Variants in ANAPC5 observed in about 807,000 individuals in gnomAD.
ANAPC5 encodes the protein anaphase-promoting complex subunit 5.
Under a neutral mutation model 91.3 loss-of-function variants are expected in ANAPC5, and 60 were observed. The ratio of observed to expected loss-of-function variants is 0.66; its 90% CI spans 0.53 to 0.81. The LOEUF is 0.81. Among genes scored for constraint, ANAPC5 ranks in the 40% least tolerant of loss-of-function variants. ANAPC5 has a pLI of 0.00. For synonymous variants in ANAPC5, 340 were observed against 364.1 expected (o/e 0.93, Z 0.75); for missense variants, 690 against 931.5 (o/e 0.74, Z 3.37).
chr12:121,336,541 T>C (rs1030932770), intron 6 of ANAPC5, among the ~76,000 whole-genome samples: 3 of 151,902 alleles, frequency 2.0e-5, no homozygotes, highest in Non-Finnish European at 4.4e-5. Flanking sequence ...TAGCTGAGCA[T>C]TGTGGCGTGT....
Position 121,352,342 on chromosome 12 carries a change from G to A in ANAPC5, c.-2C>T. ...GAGGCTCTCGTGGACGCTGGCCATG[G>A]CGGCCCGAGACTAAGTCTCGGGCCC... On this transcript the variant is annotated 5_prime_UTR_variant, in exon 1 of 17. Coordinates refer to ENST00000261819, the MANE Select transcript of ANAPC5 (RefSeq NM_016237.5). 1.9e-6 allele frequency: 3 copies of A among 1,598,016 alleles called. No homozygotes were observed. Among genetic ancestry groups the A allele is most frequent in the Non-Finnish European group, 2.6e-6 (3 of 1,168,292 alleles).
intron 3 of ANAPC5, 73 bp from the exon 4 acceptor site, chr12:121,346,104 G>A (rs1903657844): frequency 2.5e-6 from 3 of 1,179,640 alleles, no homozygotes; most frequent in African/African-American, 3.1e-5. Context: ...ACTCCACAAT[G>A]GCAATGACTG....
chr12:121,329,670 C>T (rs1033012048), intron 9 of ANAPC5, among the ~76,000 whole-genome samples: 1 of 149,854 alleles, frequency 6.7e-6, no homozygotes, highest in Admixed American at 6.7e-5. Context: ...GGCTGGAGTG[C>T]AATGGCACAA....
At chr12:121,346,388 G>T in intron 3 of ANAPC5, 1 of 194,904 alleles carries the variant, frequency 5.1e-6, no homozygotes. Flanking sequence ...TATCTTACAC[G>T]TCCAGAGCCT....
chr12:121,328,392 A>G lies in ANAPC5; in HGVS notation c.1228T>C (p.Trp410Arg). 1 of 1,613,930 alleles carries G rather than the reference A, an allele frequency of 6.2e-7. No individual in the cohort carries two copies. The highest frequency in any genetic ancestry group is 8.5e-7 in the Non-Finnish European group (1 of 1,179,990). Residue 410 changes from tryptophan (W) to arginine (R), a missense_variant, in exon 10 of 17, where the codon TGG becomes CGG. Physicochemically the swap from Trp to Arg is moderately radical, Grantham distance 101 (BLOSUM62 -3). This residue lies in a region of ANAPC5 where 317 missense variants were observed against 438.7 expected (regional missense o/e 0.72). Transcript: ENST00000261819. ...DALKDSDLLH[W>R]KHSLSELIDI... ...ATGAGCTCTGACAGGCTGTGTTTCC[A>G]GTGCAGGAGGTCGGAGTCCTTTAGG...
intron 15 of ANAPC5, among the ~76,000 whole-genome samples, chr12:121,317,012 A>G (rs948439182): frequency 2.0e-5 from 3 of 152,202 alleles, no homozygotes; most frequent in Admixed American, 2.0e-4. Flanking sequence ...ATATGAGTCC[A>G]GTTATGCAAA....
In ANAPC5 at chr12:121,346,001, T is replaced by C. The variant is rs781984658; in HGVS notation, c.428A>G (p.Tyr143Cys). 3 of 1,607,824 alleles carry C rather than the reference T, an allele frequency of 1.9e-6. No homozygotes were observed. The highest frequency in any genetic ancestry group is 2.5e-6 in the Non-Finnish European group (3 of 1,178,228). ...CACTTGGCTGAAAGAAAGCTTACTGTAGGCCAAGATCATGTGACGCAGAAA... is the reference window on the plus strand; with the variant it reads ...CACTTGGCTGAAAGAAAGCTTACTGCAGGCCAAGATCATGTGACGCAGAAA... ...GLFLRHMILA[Y>C]SKLSFSQVFK... The change falls in exon 4 of 17, where the codon TAC becomes TGC. Residue 143 changes from tyrosine to cysteine, a missense_variant. Physicochemically the swap from Tyr to Cys is radical, Grantham distance 194. This residue lies in a region of ANAPC5 where 238 missense variants were observed against 264.9 expected (regional missense o/e 0.90). Coordinates refer to ENST00000261819, the MANE Select transcript of ANAPC5 (RefSeq NM_016237.5).
At chr12:121,324,593 A>C (rs568789469) in intron 11 of ANAPC5, among the ~76,000 whole-genome samples, 1 of 152,338 alleles carries the variant, frequency 6.6e-6, no homozygotes, top group African/African-American at 2.4e-5. Context: ...CAAAGTTACA[A>C]GGCTAAAGAA....
intron 10 of ANAPC5, 174 bp downstream of exon 10, chr12:121,328,142 G>T (rs1902893765): frequency 1.6e-6 from 1 of 610,654 alleles, no homozygotes; most frequent in Non-Finnish European, 2.8e-6. Flanking sequence ...TGGGAAAAAA[G>T]TTTTCAGTCT....
At chr12:121,328,634 C>G in intron 9 of ANAPC5, 137 bp from the exon 10 acceptor site, 8 of 800,312 alleles carry the variant, frequency 1.0e-5, no homozygotes. Flanking sequence ...GTACCTATAA[C>G]CTGGCCTTAA....
In ANAPC5 at chr12:121,318,605, T is replaced by C. The variant is rs1232186033; in HGVS notation, c.1641A>G (p.Lys547=). The C allele has an allele frequency of 1.9e-6, 3 of 1,613,200 alleles. No homozygotes were observed. Among genetic ancestry groups the C allele is most frequent in the Middle Eastern group, 1.6e-4 (1 of 6,082 alleles). ...GGTTCTGAGCTTGTAATACAACCGC[T>C]TTCCTGAAACAGAATCAAAATGAAC... ...ALNSIEGVYR[K]AVVLQAQNQM... Residue 547 remains lysine, a synonymous_variant, in exon 14 of 17, where the codon AAA becomes AAG. Transcript: ENST00000261819.
At chr12:121,317,344 C>T (rs1902409554) in intron 15 of ANAPC5, among the ~76,000 whole-genome samples, 1 of 151,546 alleles carries the variant, frequency 6.6e-6, no homozygotes, top group Non-Finnish European at 1.5e-5. Context: ...ACCTCCGCCT[C>T]CCAGGGTCAA....
intron 5 of ANAPC5, among the ~76,000 whole-genome samples, chr12:121,340,068 G>A (rs1400340036): frequency 1.3e-5 from 2 of 151,498 alleles, no homozygotes; most frequent in Non-Finnish European, 1.5e-5. Flanking sequence ...TGTAATCCCA[G>A]CACTTTGGGA....
intron 11 of ANAPC5, chr12:121,326,565 G>C (rs2136779871): frequency 6.6e-6 from 1 of 152,316 alleles, no homozygotes; most frequent in South Asian, 2.1e-4. Context: ...AGTCAACCAG[G>C]TTTCGGTTGG....
chr12:121,353,542 G>T (rs940213436), upstream of ANAPC5, among the ~76,000 whole-genome samples: 1 of 152,004 alleles, frequency 6.6e-6, no homozygotes, highest in Non-Finnish European at 1.5e-5. Context: ...CCTGGTTCAC[G>T]CCATTCTCCT....
At chr12:121,325,627 G>A (rs1334724101) in intron 11 of ANAPC5, among the ~76,000 whole-genome samples, 4 of 152,040 alleles carry the variant, frequency 2.6e-5, no homozygotes, top group Non-Finnish European at 5.9e-5. Flanking sequence ...AGCACTTTGG[G>A]AGGCTGAGGC....
At chr12:121,345,729 G>T in intron 4 of ANAPC5, 110 bp downstream of exon 4, 1 of 1,133,644 alleles carries the variant, frequency 8.8e-7, no homozygotes, top group Non-Finnish European at 1.3e-6. Context: ...GATCTGGAAG[G>T]GTAAAAAGGG....
rs1314470148 is a variant in ANAPC5 at position 121,342,220 on chromosome 12, T to C, written c.591-151A>G. ...GGAAAGAAAAACATAAAAAGTGATG[T>C]TGAGATCAATGCACAGAGCCCATAA... On this transcript the variant is annotated intron_variant, in intron 4 of 16. Coordinates refer to ENST00000261819, the MANE Select transcript of ANAPC5 (RefSeq NM_016237.5). This position sits in a 1 kb window ranked among gnomAD's most constrained non-coding sequence, Gnocchi z 4.1. 1.5e-5 allele frequency: 9 copies of C among 620,344 alleles called. No homozygotes were observed. Among genetic ancestry groups the C allele is most frequent in the Non-Finnish European group, 2.2e-5 (8 of 363,214 alleles). 38.4% of individuals were successfully genotyped at this position (620,344 alleles called of 1,614,324 possible).
chr12:121,320,455 C>A lies in ANAPC5; in HGVS notation c.1445G>T (p.Cys482Phe). 3 of 1,613,752 alleles carry A rather than the reference C, an allele frequency of 1.9e-6. No individual in the cohort carries two copies. In the South Asian group the frequency reaches 3.3e-5, roughly 18 times the overall value. Reference protein sequence around the residue: ...HLAELHAEQGCFAAASEVLKH... With the variant: ...HLAELHAEQGFFAAASEVLKH... ...TAACACTTCAGAAGCTGCAGCAAAA[C>A]AGCCCTAAAGTAGAAACACACAATT... Residue 482 changes from cysteine (C) to phenylalanine (F), a missense_variant, in exon 12 of 17, where the codon TGT becomes TTT. By Grantham distance (205) the Cys-to-Phe change is radical. Around this residue, in one of 5 missense-constraint regions of ANAPC5, gnomAD observed 317 missense variants for 438.7 expected, o/e 0.72. Coordinates refer to ENST00000261819, the MANE Select transcript of ANAPC5 (RefSeq NM_016237.5).
Sources: allele counts gnomAD v4.1 joint callset (sites outside exome capture counted in the v4.1 genomes callset), GRCh38; gene constraint gnomAD v4.1.1; regional missense constraint gnomAD v4.1.1; non-coding constraint Gnocchi (gnomAD v3.1); transcripts MANE v1.5; gene names NCBI Gene and HGNC (gene_info 2026-07-23, HGNC 2026-07-21).